RAB27B: variants seen among roughly 807,000 people sequenced by gnomAD.
The protein encoded by RAB27B is RAB27B, member RAS oncogene family.
RAB27B carries 15 observed loss-of-function variants against 24.6 expected under a neutral mutation model. The observed-to-expected ratio is 0.61, with a 90% CI of 0.41 to 0.94. The LOEUF (loss-of-function observed/expected upper bound fraction) is 0.94. Ranked by LOEUF, RAB27B falls within the 40% of genes least tolerant of loss-of-function variation. The pLI is 0.00. For synonymous variants in RAB27B, 105 were observed against 92.5 expected, an observed-to-expected ratio of 1.14 and a Z score of -0.78; for missense variants, 261 against 266.8, an observed-to-expected ratio of 0.98 and a Z score of 0.15.
At chr18:54,864,114 T>C (rs556572881) in intron 1 of RAB27B, among the ~76,000 whole-genome samples, 14 of 152,144 alleles carry the variant, frequency 9.2e-5, no homozygotes, top group African/African-American at 3.4e-4. Flanking sequence ...GGCTGCTCCA[T>C]TTACATTCCC....
chr18:54,772,247 T>G (rs1908573780), intron 2 of RAB27B, among the ~76,000 whole-genome samples: 1 of 152,200 alleles, frequency 6.6e-6, no homozygotes, highest in African/African-American at 2.4e-5. Flanking sequence ...TGCCAGATAT[T>G]TAGTAACATA....
chr18:54,873,870 T>C (rs1392925408), intron 1 of RAB27B, among the ~76,000 whole-genome samples: 2 of 152,182 alleles, frequency 1.3e-5, no homozygotes, highest in Non-Finnish European at 2.9e-5. Context: ...AAATAGCCTA[T>C]TGGAAAAATG....
chr18:54,773,758 C>G (rs930451801), intron 2 of RAB27B, among the ~76,000 whole-genome samples: 1 of 151,896 alleles, frequency 6.6e-6, no homozygotes, highest in African/African-American at 2.4e-5. Flanking sequence ...TCACTGCAAC[C>G]TCTGCCTTCC....
chr18:54,782,857 G>A (rs1023419776), intron 2 of RAB27B, among the ~76,000 whole-genome samples: 5 of 152,072 alleles, frequency 3.3e-5, no homozygotes, highest in African/African-American at 4.8e-5. Flanking sequence ...TAAACATAAA[G>A]TATCAGAACC....
At chr18:54,807,406 A>G (rs987512009) in intron 2 of RAB27B, among the ~76,000 whole-genome samples, 4 of 152,194 alleles carry the variant, frequency 2.6e-5, no homozygotes, top group African/African-American at 9.7e-5. Flanking sequence ...CAGTGGGCAG[A>G]AGTGTTGGAC....
intron 2 of RAB27B, among the ~76,000 whole-genome samples, chr18:54,751,201 G>A (rs895890891): frequency 1.2e-4 from 18 of 152,238 alleles, no homozygotes; most frequent in Middle Eastern, 6.8e-3. Context: ...TATGAGAGGG[G>A]AGGGACAGGA....
At chr18:54,888,945 T>G (rs1035399933) in intron 5 of RAB27B, among the ~76,000 whole-genome samples, 5 of 152,136 alleles carry the variant, frequency 3.3e-5, no homozygotes, top group African/African-American at 1.2e-4. Context: ...CCCTCCTAAT[T>G]TTTTTAAACA....
rs59750951 is a variant in RAB27B at position 54,785,436 on chromosome 18, G to GTTTT, written c.-20+67314_-20+67317dup. ...TGTTCTTTGCTCTCACCTTCCTCAGGTTTTTTTTTTTTTTTTTTTTTTCCA... is the reference window on the plus strand; with the variant it reads ...TGTTCTTTGCTCTCACCTTCCTCAGGTTTTTTTTTTTTTTTTTTTTTTTTTTCCA... On this transcript the variant is annotated intron_variant, in intron 2 of 4. Transcript: ENST00000586570. 4.6e-4 allele frequency among the ~76,000 whole-genome samples: 47 copies of GTTTT among 101,684 alleles called. 1 individual carries two copies. The South Asian group carries it at 0.011, about 24-fold the overall frequency. 66.7% of individuals were successfully genotyped at this position (101,684 alleles called of 152,430 possible).
chr18:54,809,705 C>A (rs963946683), intron 2 of RAB27B, among the ~76,000 whole-genome samples: 5 of 152,136 alleles, frequency 3.3e-5, no homozygotes, highest in Admixed American at 3.3e-4. Flanking sequence ...AAATAAATTA[C>A]CCATTTAATA....
chr18:54,860,354 C>T (rs1300046246), intron 1 of RAB27B, among the ~76,000 whole-genome samples: 4 of 152,088 alleles, frequency 2.6e-5, no homozygotes, highest in African/African-American at 7.2e-5. Flanking sequence ...CCTCATCTGC[C>T]ACGGCCCCCT....
chr18:54,830,224 C>G (rs1471440748), intron 1 of RAB27B, among the ~76,000 whole-genome samples: 3 of 152,132 alleles, frequency 2.0e-5, no homozygotes, highest in Non-Finnish European at 1.5e-5. Context: ...TGCCAGTTTA[C>G]ACTACAACTG....
At chr18:54,765,769 C>T (rs890503593) in intron 2 of RAB27B, among the ~76,000 whole-genome samples, 20 of 152,140 alleles carry the variant, frequency 1.3e-4, no homozygotes, top group African/African-American at 4.8e-4. Flanking sequence ...CTACAGGAAA[C>T]ATTTTGTAAA....
At chr18:54,783,899 A>G (rs1908998882) in intron 2 of RAB27B, among the ~76,000 whole-genome samples, 1 of 152,190 alleles carries the variant, frequency 6.6e-6, no homozygotes, top group African/African-American at 2.4e-5. Context: ...GTAGGAGCAC[A>G]TTGGGCCACT....
At chr18:54,771,729 A>G (rs1013657084) in intron 2 of RAB27B, among the ~76,000 whole-genome samples, 14 of 151,948 alleles carry the variant, frequency 9.2e-5, no homozygotes, top group Non-Finnish European at 1.8e-4. Flanking sequence ...TGACTTCATG[A>G]GTGGCAAGGT....
intron 2 of RAB27B, among the ~76,000 whole-genome samples, chr18:54,795,401 G>T (rs115261879): frequency 6.6e-6 from 1 of 152,200 alleles, no homozygotes. Context: ...GAGATGACAA[G>T]TATCACCAAG....
chr18:54,801,210 T>C (rs989077188), intron 2 of RAB27B, among the ~76,000 whole-genome samples: 1 of 151,958 alleles, frequency 6.6e-6, no homozygotes, highest in Non-Finnish European at 1.5e-5. Context: ...ATGGGGTTTT[T>C]TACCATGTTG....
At chr18:54,779,833 A>G (rs1032879483) in intron 2 of RAB27B, among the ~76,000 whole-genome samples, 1 of 152,146 alleles carries the variant, frequency 6.6e-6, no homozygotes, top group Non-Finnish European at 1.5e-5. Context: ...CCAAGGCAAG[A>G]TGGCAGCAGG....
At chr18:54,878,270 G>A (rs1912785029) in intron 2 of RAB27B, among the ~76,000 whole-genome samples, 3 of 152,176 alleles carry the variant, frequency 2.0e-5, no homozygotes, top group African/African-American at 4.8e-5. Context: ...AGATAAGAGA[G>A]TTTAAGTGAG....
chr18:54,850,081 C>T (rs374663946), intron 1 of RAB27B, among the ~76,000 whole-genome samples: 21 of 151,668 alleles, frequency 1.4e-4, no homozygotes, highest in East Asian at 1.9e-4. Flanking sequence ...ATCTGAAGGG[C>T]AATTAGCCAA....
Sources: gnomAD v4.1 joint callset for allele counts (sites outside exome capture counted in the v4.1 genomes callset) on GRCh38, gnomAD v4.1.1 for gene constraint, MANE v1.5 for transcripts, NCBI Gene and HGNC (gene_info 2026-07-23, HGNC 2026-07-21) for gene names.